The following ZFR variants were observed in gnomAD, a reference collection of about 807,000 sequenced individuals.
ZFR encodes zinc finger RNA-binding protein.
Under a neutral mutation model 130.7 loss-of-function variants are expected in ZFR, and 19 were observed. The observed-to-expected ratio is 0.15, with a 90% CI of 0.10 to 0.21. The LOEUF is 0.21. Ranked by LOEUF, ZFR falls within the 10% of genes least tolerant of loss-of-function variation. ZFR has a pLI of 1.00. For missense variants in ZFR, 872 were observed against 1,321.5 expected (o/e 0.66, Z 5.27); for synonymous variants, 466 against 456.9 (o/e 1.02, Z -0.25).
intron 11 of ZFR, among the ~76,000 whole-genome samples, chr5:32,393,226 TTTA>T (rs1340475966): frequency 6.6e-6 from 1 of 152,228 alleles, no homozygotes; most frequent in Non-Finnish European, 1.5e-5. Context: ...TTTACTGTAT[TTTA>T]TTGATTAAAT....
At chr5:32,385,039 AT>A (rs1374723096) in intron 15 of ZFR, among the ~76,000 whole-genome samples, 10 of 152,182 alleles carry the variant, frequency 6.6e-5, no homozygotes, top group Middle Eastern at 3.4e-3. Flanking sequence ...TATTATATAT[AT>A]ATGTATAAAA....
intron 2 of ZFR, among the ~76,000 whole-genome samples, chr5:32,437,899 C>G (rs1328319034): frequency 6.6e-6 from 1 of 152,056 alleles, no homozygotes; most frequent in African/African-American, 2.4e-5. Context: ...ATCATTTCTG[C>G]AAGACTTTCA....
chr5:32,438,979 T>A (rs547088180), intron 2 of ZFR, among the ~76,000 whole-genome samples: 1 of 152,150 alleles, frequency 6.6e-6, no homozygotes, highest in Non-Finnish European at 1.5e-5. Flanking sequence ...TCTATATAGT[T>A]CCAAAGTTAT....
intron 4 of ZFR, among the ~76,000 whole-genome samples, chr5:32,415,515 T>C (rs75975219): frequency 0.056 from 5,432 of 97,828 alleles, 94 homozygotes; most frequent in African/African-American, 0.071. Context: ...TGTGTGTGTG[T>C]GCGCGCGCGC....
chr5:32,408,900 CT>C (rs1753639787), intron 5 of ZFR, among the ~76,000 whole-genome samples: 1 of 152,124 alleles, frequency 6.6e-6, no homozygotes, highest in Non-Finnish European at 1.5e-5. Flanking sequence ...TCTAAGAAGG[CT>C]TTTCTCAAAA....
chr5:32,391,276 CA>C (rs890698230), intron 11 of ZFR, among the ~76,000 whole-genome samples: 34 of 152,140 alleles, frequency 2.2e-4, no homozygotes, highest in African/African-American at 8.0e-4. Flanking sequence ...ATAGCATATA[CA>C]GGGTTTGGTA....
At chr5:32,382,879 C>T (rs1752962870) in intron 15 of ZFR, among the ~76,000 whole-genome samples, 1 of 151,900 alleles carries the variant, frequency 6.6e-6, no homozygotes. Flanking sequence ...TAGATTAACC[C>T]CTTATATTCT....
chr5:32,377,874 T>C (rs1752859696), intron 17 of ZFR, among the ~76,000 whole-genome samples: 1 of 151,984 alleles, frequency 6.6e-6, no homozygotes, highest in South Asian at 2.1e-4. Context: ...GTATTATTAG[T>C]AGAGACGAGG....
chr5:32,409,550 C>T (rs1019935359), intron 5 of ZFR, among the ~76,000 whole-genome samples: 2 of 151,810 alleles, frequency 1.3e-5, no homozygotes, highest in Non-Finnish European at 2.9e-5. Flanking sequence ...GGATTACAGG[C>T]GTGTACCACC....
chr5:32,381,725 T>TA (rs563420221), intron 15 of ZFR, among the ~76,000 whole-genome samples: 84 of 152,310 alleles, frequency 5.5e-4, no homozygotes, highest in Admixed American at 1.2e-3. Context: ...TTCTTTTTCT[T>TA]AGTTTTTTAC....
chr5:32,364,385 G>A, intron 17 of ZFR, 110 bp from the exon 18 acceptor site: 1 of 696,278 alleles, frequency 1.4e-6, no homozygotes. Context: ...AAGCTACATA[G>A]AACAAGTCAC....
intron 8 of ZFR, among the ~76,000 whole-genome samples, chr5:32,401,364 G>T (rs191404511): frequency 6.6e-6 from 1 of 152,274 alleles, no homozygotes; most frequent in East Asian, 1.9e-4. Context: ...TGAATATTGC[G>T]GAAATTTAGA....
rs571265566 is a variant in ZFR at position 32,444,431 on chromosome 5, A to G, written c.38-103T>C. ...GAGAGAAAGAGAGAGGCGCCGTGAG[A>G]GCAGCCCTGGCGGGGCCCAGGCCGC... On this transcript the variant is annotated intron_variant, in intron 1 of 19. Transcript: ENST00000265069. 2,128 of 1,382,074 alleles carry G rather than the reference A, an allele frequency of 1.5e-3. 1 individual carries two copies. The highest frequency in any genetic ancestry group is 1.7e-3 in the Non-Finnish European group (1,718 of 1,027,680). The allele number at this position is 1,382,074 out of a possible 1,614,324, so 85.6% of individuals were successfully genotyped here.
At position 32,404,265 on chromosome 5, in the gene ZFR, T is replaced by G. The variant is rs369771042; in HGVS notation, c.1033-168A>C. ...CGTTACATATGTGACATATCTATGG[T>G]TCTCTGTATCTTGTTTATCAAGAAT... On this transcript the variant is annotated intron_variant, in intron 6 of 19. Coordinates refer to ENST00000265069, the MANE Select transcript of ZFR (RefSeq NM_016107.5). 3.7e-3 allele frequency among the ~76,000 whole-genome samples: 560 copies of G among 152,312 alleles called. 4 individuals are homozygous for G. The highest frequency in any genetic ancestry group is 0.011 in the African/African-American group (475 of 41,570).
At chr5:32,386,909 T>C (rs1373173023) in intron 14 of ZFR, among the ~76,000 whole-genome samples, 1 of 152,138 alleles carries the variant, frequency 6.6e-6, no homozygotes, top group Non-Finnish European at 1.5e-5. Context: ...GAATCACTAT[T>C]TTAAATCTCA....
At chr5:32,415,223 G>C (rs1280706877) in intron 4 of ZFR, 36 bp from the exon 5 acceptor site, 1 of 1,573,992 alleles carries the variant, frequency 6.4e-7, no homozygotes, top group South Asian at 1.1e-5. Context: ...AATTAGAAGA[G>C]TAAGCCACTA....
Position 32,368,164 on chromosome 5 carries a change from C to T in ZFR, c.2836-3889G>A, listed in dbSNP as rs112086537. Among the ~76,000 whole-genome samples, 1,055 of 152,288 alleles carry T rather than the reference C, an allele frequency of 6.9e-3. 11 individuals are homozygous for T. Among genetic ancestry groups the T allele is most frequent in the African/African-American group, 0.024 (1,009 of 41,558 alleles). The stretch of plus-strand genomic sequence containing the variant: ...GCCACCTGATGAGATTTCAGTAACA[C>T]AGGCACTTTCACTGGTGGGAGTGTA... On this transcript the variant is annotated intron_variant, in intron 17 of 19. Coordinates refer to ENST00000265069, the MANE Select transcript of ZFR (RefSeq NM_016107.5).
chr5:32,400,250 T>A, intron 8 of ZFR, 47 bp from the exon 9 acceptor site: 1 of 1,359,928 alleles, frequency 7.4e-7, no homozygotes, highest in Non-Finnish European at 9.7e-7. Flanking sequence ...TTTGTATAAA[T>A]ATATATACCT....
chr5:32,433,682 C>T (rs1249296779), intron 2 of ZFR, among the ~76,000 whole-genome samples: 2 of 152,186 alleles, frequency 1.3e-5, no homozygotes, highest in Non-Finnish European at 2.9e-5. Flanking sequence ...CTCATTTCTA[C>T]ACCAACTACT....
Sources: allele counts gnomAD v4.1 joint callset (sites outside exome capture counted in the v4.1 genomes callset), GRCh38; gene constraint gnomAD v4.1.1; transcripts MANE v1.5; gene names NCBI Gene and HGNC (gene_info 2026-07-23, HGNC 2026-07-21).